ANO2: variants seen among roughly 807,000 people sequenced by gnomAD.
ANO2 encodes anoctamin-2.
ANO2 carries 101 observed loss-of-function variants against 124.2 expected under a neutral mutation model. The ratio of observed to expected loss-of-function variants is 0.81; its 90% CI spans 0.69 to 0.96. ANO2 has a LOEUF of 0.96. Among genes scored for constraint, ANO2 ranks in the 40% least tolerant of loss-of-function variants. ANO2 has a pLI of 0.00. For synonymous variants in ANO2, 486 were observed against 482.5 expected (o/e 1.01, Z -0.09); for missense variants, 1,293 against 1,274.5 (o/e 1.01, Z -0.22).
At position 5,662,940 on chromosome 12, in the gene ANO2, T is replaced by C. The variant is rs186093358; in HGVS notation, c.1546-15139A>G. On this transcript the variant is annotated intron_variant, in intron 14 of 24. Coordinates refer to ENST00000682330, the MANE Select transcript of ANO2 (RefSeq NM_001364791.2). ...ACCCTGAGAGACAAGTTGTCCATTA[T>C]GTTTCAGGGGAACAGAATCATTTCC... Among the ~76,000 whole-genome samples the C allele has an allele frequency of 1.8e-4, 27 of 152,360 alleles. No homozygotes were observed. The South Asian group carries it at 5.4e-3, about 30-fold the overall frequency.
intron 14 of ANO2, among the ~76,000 whole-genome samples, chr12:5,706,021 G>A (rs1429666819): frequency 6.6e-6 from 1 of 152,146 alleles, no homozygotes; most frequent in Non-Finnish European, 1.5e-5. Context: ...CCCTTCTGGG[G>A]GAGATTCGGG....
intron 23 of ANO2, among the ~76,000 whole-genome samples, chr12:5,566,345 T>C (rs6489640): frequency 1 from 152,137 of 152,316 alleles, 75,979 homozygotes; most frequent in Non-Finnish European, 1. Flanking sequence ...CTGACGTGAT[T>C]TCATGCCTCT....
chr12:5,623,428 G>A lies in ANO2; in HGVS notation c.1817-8131C>T, dbSNP rs571064087. Among the ~76,000 whole-genome samples, 12 of 152,290 alleles carry A rather than the reference G, an allele frequency of 7.9e-5. No individual in the cohort carries two copies. In the East Asian group the frequency reaches 1.7e-3, roughly 22 times the overall value. ...CCACTTCCCGCCAGAAAGGACAATC[G>A]GGAATTTCTGTGCAGAGCCATTCCC... On this transcript the variant is annotated intron_variant, in intron 16 of 24. Coordinates refer to ENST00000682330, the MANE Select transcript of ANO2 (RefSeq NM_001364791.2).
intron 3 of ANO2, 89 bp from the exon 4 acceptor site, chr12:5,854,230 C>A: frequency 8.4e-7 from 1 of 1,192,970 alleles, no homozygotes; most frequent in Non-Finnish European, 1.2e-6. Context: ...ACAAGGAGCC[C>A]AACCCGTTGT....
chr12:5,570,470 A>AG (rs397737251), intron 23 of ANO2, among the ~76,000 whole-genome samples: 16 of 151,996 alleles, frequency 1.1e-4, no homozygotes, highest in Middle Eastern at 3.4e-3. Context: ...AAAAAAAAAA[A>AG]GAAAAGAATC....
At chr12:5,631,061 G>C (rs1332769142) in intron 16 of ANO2, among the ~76,000 whole-genome samples, 1 of 152,186 alleles carries the variant, frequency 6.6e-6, no homozygotes, top group Non-Finnish European at 1.5e-5. Flanking sequence ...GATCGCACTA[G>C]ATATGTGGGC....
intron 14 of ANO2, among the ~76,000 whole-genome samples, chr12:5,648,768 T>G (rs985804779): frequency 5.9e-5 from 9 of 152,206 alleles, no homozygotes; most frequent in Non-Finnish European, 1.2e-4. Context: ...GTGCCGAGAA[T>G]ATGGCAGAGC....
chr12:5,568,245 T>C (rs1004357381), intron 23 of ANO2, among the ~76,000 whole-genome samples: 6 of 149,372 alleles, frequency 4.0e-5, no homozygotes, highest in African/African-American at 1.2e-4. Context: ...GTTCACGCCA[T>C]TCTCCTGCCT....
chr12:5,844,001 CTGACTGT>C (rs1748552979), intron 4 of ANO2, among the ~76,000 whole-genome samples: 1 of 152,174 alleles, frequency 6.6e-6, no homozygotes. Context: ...AAGATAAATA[CTGACTGT>C]TGACTAAGAG....
chr12:5,681,011 G>C lies in ANO2; in HGVS notation c.1546-33210C>G, dbSNP rs1212803756. 4.6e-5 allele frequency among the ~76,000 whole-genome samples: 7 copies of C among 152,286 alleles called. No individual in the cohort carries two copies. The South Asian group carries it at 8.3e-4, about 18-fold the overall frequency. ...CAAAGCGAGACAAAAGCAGAATAAA[G>C]GGGAACATGGGTACTAGTTCCAGGC... On this transcript the variant is annotated intron_variant, in intron 14 of 24. Coordinates refer to ENST00000682330, the MANE Select transcript of ANO2 (RefSeq NM_001364791.2).
At chr12:5,823,644 C>A (rs1025890827) in intron 7 of ANO2, among the ~76,000 whole-genome samples, 3 of 152,216 alleles carry the variant, frequency 2.0e-5, no homozygotes, top group Admixed American at 2.0e-4. Context: ...AGGCACACAG[C>A]GCAAGCTGTC....
At chr12:5,641,490 T>C (rs1946392163) in intron 15 of ANO2, among the ~76,000 whole-genome samples, 1 of 152,148 alleles carries the variant, frequency 6.6e-6, no homozygotes, top group South Asian at 2.1e-4. Flanking sequence ...CAGGAAACAA[T>C]ATAATGTATT....
At chr12:5,644,232 T>G (rs1047732484) in intron 15 of ANO2, among the ~76,000 whole-genome samples, 1 of 152,240 alleles carries the variant, frequency 6.6e-6, no homozygotes, top group Non-Finnish European at 1.5e-5. Context: ...TATTTTCTTC[T>G]GTTTGGACAC....
intron 10 of ANO2, among the ~76,000 whole-genome samples, chr12:5,752,936 C>T (rs1343750151): frequency 6.6e-6 from 1 of 152,106 alleles, no homozygotes; most frequent in African/African-American, 2.4e-5. Flanking sequence ...TGTGGATATC[C>T]AGTTTTCCCA....
In ANO2 at chr12:5,803,948, T is replaced by C. The variant is rs139466303; in HGVS notation, c.990+2104A>G. ...AGAACATGGGAACAGCCACAGATGG[T>C]AAGGAAGAGTGAAGGAGAACATCCA... On this transcript the variant is annotated intron_variant, in intron 9 of 24. Transcript: ENST00000682330. Among the ~76,000 whole-genome samples the C allele has an allele frequency of 4.7e-3, 712 of 152,118 alleles. 8 individuals carry two copies. Among genetic ancestry groups the C allele is most frequent in the African/African-American group, 0.016 (677 of 41,484 alleles).
At position 5,922,683 on chromosome 12, in the gene ANO2, C is replaced by A; in HGVS notation, c.144G>T (p.Leu48=). ...LKMPGPRAPG[L]QGGSNRDPGQ... is the part of the protein sequence containing the mutation. Reference sequence around the variant, plus strand: ...CAGGATCTCTGTTGGAACCGCCCTGCAGACCTGGGGCCCGGGGACCTGGCA... The same window carrying A: ...CAGGATCTCTGTTGGAACCGCCCTGAAGACCTGGGGCCCGGGGACCTGGCA... The change falls in exon 2 of 25, where the codon CTG becomes CTT. Residue 48 remains leucine, a synonymous_variant. Coordinates refer to ENST00000682330, the MANE Select transcript of ANO2 (RefSeq NM_001364791.2). The A allele has an allele frequency of 6.3e-7, 1 of 1,577,962 alleles. No individual in the cohort carries two copies. Among genetic ancestry groups the A allele is most frequent in the Non-Finnish European group, 8.6e-7 (1 of 1,163,462 alleles).
In ANO2 at chr12:5,934,132, T is replaced by TA; in HGVS notation, c.22+11063dup. On this transcript the variant is annotated intron_variant, in intron 1 of 24. Coordinates refer to ENST00000682330, the MANE Select transcript of ANO2 (RefSeq NM_001364791.2). ...GTGTCAGACACTGTTTTAAACACTTTACATGTATCAATTTATGTAATCTTC... is the reference window on the plus strand; with the variant it reads ...GTGTCAGACACTGTTTTAAACACTTTAACATGTATCAATTTATGTAATCTTC... Among the ~76,000 whole-genome samples the TA allele has an allele frequency of 2.0e-5, 3 of 152,310 alleles. No homozygotes were observed. In the East Asian group the frequency reaches 5.8e-4, roughly 29 times the overall value.
intron 3 of ANO2, chr12:5,870,463 T>C (rs1315066410): frequency 6.6e-6 from 1 of 152,248 alleles, no homozygotes; most frequent in Non-Finnish European, 1.5e-5. Flanking sequence ...CATTGAACTA[T>C]GAAGGTTCCC....
At position 5,612,913 on chromosome 12, in the gene ANO2, G is replaced by A. The variant is rs1212833189; in HGVS notation, c.1974C>T (p.Tyr658=). 1 of 1,613,820 alleles carries A rather than the reference G, an allele frequency of 6.2e-7. No homozygotes were observed. The highest frequency in any genetic ancestry group is 8.5e-7 in the Non-Finnish European group (1 of 1,179,870). ...PGSYVYVFDG[Y]RMEECAPGGC... is the part of the protein sequence containing the mutation. ...TGGCTGTACTTGCCTCTTCCATGCG[G>A]TAACCATCGAATACATAGACGTAGC... The change falls in exon 18 of 25, where the codon TAC becomes TAT. Residue 658 remains tyrosine (Y), a synonymous_variant. Transcript: ENST00000682330.
Sources: allele counts gnomAD v4.1 joint callset (sites outside exome capture counted in the v4.1 genomes callset), GRCh38; gene constraint gnomAD v4.1.1; transcripts MANE v1.5; gene names NCBI Gene and HGNC (gene_info 2026-07-23, HGNC 2026-07-21).